TCF4: variants seen among roughly 807,000 people sequenced by gnomAD.
The protein encoded by TCF4 is SL3-3 enhancer factor 2.
TCF4 carries 3 observed loss-of-function variants against 82.1 expected under a neutral mutation model. The ratio of observed to expected loss-of-function variants is 0.04; its 90% CI spans 0.02 to 0.09. The LOEUF (loss-of-function observed/expected upper bound fraction) is 0.09, where lower values mean the gene tolerates loss of function less well. Among genes scored for constraint, TCF4 ranks in the 10% least tolerant of loss-of-function variants. TCF4 has a pLI of 1.00. For synonymous variants in TCF4, 276 were observed against 309.6 expected, an observed-to-expected ratio of 0.89 and a Z score of 1.14; for missense variants, 518 against 852.7, an observed-to-expected ratio of 0.61 and a Z score of 4.89.
Position 55,588,099 on chromosome 18 carries a change from A to ACCGCCGCCG in TCF4, c.-91_-83dup, listed in dbSNP as rs1484342037. Reference sequence around the variant, plus strand: ...GGCGCCGAGGCGGCGTTCATGTCTAACCGCCGCCGCCACCGCCGCCGCCTG... The same window carrying ACCGCCGCCG: ...GGCGCCGAGGCGGCGTTCATGTCTAACCGCCGCCGCCGCCGCCGCCACCGCCGCCGCCTG... On this transcript the variant is annotated 5_prime_UTR_variant, in exon 1 of 20. Coordinates refer to ENST00000354452, the MANE Select transcript of TCF4 (RefSeq NM_001083962.2). 2.9e-6 allele frequency: 3 copies of ACCGCCGCCG among 1,018,652 alleles called. No individual in the cohort carries two copies. The highest frequency in any genetic ancestry group is 1.7e-5 in the African/African-American group (1 of 57,200). 63.1% of individuals were successfully genotyped at this position (1,018,652 alleles called of 1,614,324 possible).
chr18:55,598,485 A>G (rs528560454), intron 2 of TCF4, among the ~76,000 whole-genome samples: 1 of 152,278 alleles, frequency 6.6e-6, no homozygotes, highest in Non-Finnish European at 1.5e-5. Flanking sequence ...TTTTTTCACA[A>G]TGCATGGAAC....
At chr18:55,261,368 A>G in intron 12 of TCF4, 98 bp downstream of exon 12, 1 of 1,442,930 alleles carries the variant, frequency 6.9e-7, no homozygotes, top group Non-Finnish European at 9.8e-7. Flanking sequence ...AATCAAAGCT[A>G]TTTGCCATTC....
chr18:55,597,548 C>G (rs2097692323), intron 2 of TCF4, among the ~76,000 whole-genome samples: 3 of 151,886 alleles, frequency 2.0e-5, no homozygotes. Flanking sequence ...GTGCCTGTAT[C>G]CCCAGCTACT....
chr18:55,612,660 G>T (rs1015402292), intron 2 of TCF4, among the ~76,000 whole-genome samples: 11 of 151,982 alleles, frequency 7.2e-5, no homozygotes, highest in African/African-American at 2.2e-4. Flanking sequence ...GTGCAGTTTC[G>T]ATACAAGAAT....
intron 3 of TCF4, among the ~76,000 whole-genome samples, chr18:55,583,503 G>A (rs2097598714): frequency 6.6e-6 from 1 of 152,058 alleles, no homozygotes; most frequent in African/African-American, 2.4e-5. Flanking sequence ...ATTTAAATGT[G>A]AACATAGAAA....
At chr18:55,549,903 A>G (rs1384682013) in intron 3 of TCF4, among the ~76,000 whole-genome samples, 1 of 152,194 alleles carries the variant, frequency 6.6e-6, no homozygotes. Context: ...CCCGGTCCAG[A>G]TGACTGTTTT....
intron 3 of TCF4, among the ~76,000 whole-genome samples, chr18:55,548,120 C>T (rs2097222210): frequency 6.6e-6 from 1 of 152,188 alleles, no homozygotes; most frequent in Non-Finnish European, 1.5e-5. Flanking sequence ...AATCCCAATT[C>T]CTTGAAATAG....
At chr18:55,356,095 T>C (rs2083447832) in intron 6 of TCF4, among the ~76,000 whole-genome samples, 1 of 152,118 alleles carries the variant, frequency 6.6e-6, no homozygotes. Flanking sequence ...AAACAACATA[T>C]GTAAAATGTT....
intron 3 of TCF4, among the ~76,000 whole-genome samples, chr18:55,577,137 TAC>T (rs2097535695): frequency 1.4e-5 from 2 of 146,486 alleles, no homozygotes; most frequent in Non-Finnish European, 1.5e-5. Flanking sequence ...TATTTATATA[TAC>T]ATTTATATAT....
intron 3 of TCF4, among the ~76,000 whole-genome samples, chr18:55,470,560 C>T (rs1183469319): frequency 6.6e-6 from 1 of 152,060 alleles, no homozygotes; most frequent in Non-Finnish European, 1.5e-5. Flanking sequence ...GATCAGAGTC[C>T]CAAGCTAAGA....
Position 55,588,111 on chromosome 18 carries a change from AC to A in TCF4, c.-95del. On this transcript the variant is annotated 5_prime_UTR_variant, in exon 1 of 20. Coordinates refer to ENST00000354452, the MANE Select transcript of TCF4 (RefSeq NM_001083962.2). ...GCGTTCATGTCTAACCGCCGCCGCC[AC>A]CGCCGCCGCCTGCTCCTGCGCCCGC... is the stretch of plus-strand genomic sequence containing the variant. 3 of 1,029,590 alleles carry A rather than the reference AC, an allele frequency of 2.9e-6. No homozygotes were observed. The highest frequency in any genetic ancestry group is 3.5e-6 in the Non-Finnish European group (3 of 864,092). 63.8% of individuals were successfully genotyped at this position (1,029,590 alleles called of 1,614,324 possible).
intron 7 of TCF4, 78 bp downstream of exon 7, chr18:55,350,796 G>A: frequency 6.3e-7 from 1 of 1,586,558 alleles, no homozygotes; most frequent in South Asian, 1.1e-5. Flanking sequence ...GGATGGGGGG[G>A]CGATATTTTA....
chr18:55,470,340 A>G (rs188995119), intron 3 of TCF4, among the ~76,000 whole-genome samples: 1 of 152,264 alleles, frequency 6.6e-6, no homozygotes, highest in Admixed American at 6.5e-5. Context: ...GTGATTTTTA[A>G]ATACTCTCCT....
intron 3 of TCF4, among the ~76,000 whole-genome samples, chr18:55,494,977 A>AG (rs1297565076): frequency 2.0e-5 from 3 of 149,546 alleles, no homozygotes; most frequent in Non-Finnish European, 4.5e-5. Context: ...AAAAAAAAAA[A>AG]AAAGAAATCT....
At chr18:55,262,369 A>C (rs2058243714) in intron 11 of TCF4, among the ~76,000 whole-genome samples, 1 of 152,240 alleles carries the variant, frequency 6.6e-6, no homozygotes, top group Non-Finnish European at 1.5e-5. Context: ...TGGGATTTCC[A>C]GGATTCTTGT....
chr18:55,438,659 T>C (rs1369580994), intron 5 of TCF4, among the ~76,000 whole-genome samples: 2 of 152,130 alleles, frequency 1.3e-5, no homozygotes, highest in Non-Finnish European at 2.9e-5. Context: ...CACTGGAGAT[T>C]AATTTTACCA....
At chr18:55,293,037 C>T (rs2065481389) in intron 8 of TCF4, among the ~76,000 whole-genome samples, 1 of 152,038 alleles carries the variant, frequency 6.6e-6, no homozygotes. Flanking sequence ...TGTTTTAGAA[C>T]TAGACAGATG....
intron 2 of TCF4, among the ~76,000 whole-genome samples, chr18:55,620,550 C>T (rs953947060): frequency 9.9e-5 from 15 of 152,104 alleles, no homozygotes; most frequent in Admixed American, 8.5e-4. Flanking sequence ...ACCTTTTGGT[C>T]TGATTCTCTG....
Position 55,325,350 on chromosome 18 carries a change from T to A in TCF4, c.549+25009A>T, listed in dbSNP as rs73490815. Among the ~76,000 whole-genome samples the A allele has an allele frequency of 4.9e-3, 748 of 152,274 alleles. 6 individuals carry two copies. The highest frequency in any genetic ancestry group is 0.017 in the African/African-American group (724 of 41,546). On this transcript the variant is annotated intron_variant, in intron 8 of 19. Coordinates refer to ENST00000354452, the MANE Select transcript of TCF4 (RefSeq NM_001083962.2). The stretch of plus-strand genomic sequence containing the variant: ...AATTGTGAAGGCAATCGCACATACA[T>A]TAAACAATTAGATAACAAACTATTA...
Sources: gnomAD v4.1 joint callset for allele counts (sites outside exome capture counted in the v4.1 genomes callset) on GRCh38, gnomAD v4.1.1 for gene constraint, MANE v1.5 for transcripts, NCBI Gene and HGNC (gene_info 2026-07-23, HGNC 2026-07-21) for gene names.